DENND2B: variants seen among roughly 807,000 people sequenced by gnomAD.
The protein encoded by DENND2B is DENN domain-containing protein 2B.
A neutral mutation model predicts 116.0 loss-of-function variants in DENND2B; 32 were observed. The ratio of observed to expected loss-of-function variants is 0.28; its 90% CI spans 0.21 to 0.37. DENND2B has a LOEUF of 0.37. Ranked by LOEUF, DENND2B falls within the 10% of genes least tolerant of loss-of-function variation. DENND2B has a pLI of 1.00. For missense variants in DENND2B, 1,276 were observed against 1,477.7 expected (o/e 0.86, Z 2.24); for synonymous variants, 588 against 583.9 (o/e 1.01, Z -0.10).
At chr11:8,782,545 T>A (rs540458814) in intron 1 of DENND2B, among the ~76,000 whole-genome samples, 2 of 152,300 alleles carry the variant, frequency 1.3e-5, no homozygotes, top group South Asian at 4.1e-4. Context: ...GTACATAGAT[T>A]TTTATTATAT....
intron 2 of DENND2B, among the ~76,000 whole-genome samples, chr11:8,731,504 A>T (rs1448323711): frequency 6.6e-6 from 1 of 152,148 alleles, no homozygotes; most frequent in East Asian, 1.9e-4. Flanking sequence ...CAAGAGTCTA[A>T]CATCTGCCAG....
At chr11:8,753,557 C>G (rs1341113899) in intron 1 of DENND2B, among the ~76,000 whole-genome samples, 4 of 152,100 alleles carry the variant, frequency 2.6e-5, no homozygotes, top group African/African-American at 9.7e-5. Context: ...AATTGACAAG[C>G]TGATCCTAAA....
chr11:8,766,595 G>A (rs1483441559), intron 1 of DENND2B: 2 of 1,287,728 alleles, frequency 1.6e-6, no homozygotes, highest in East Asian at 5.5e-5. Flanking sequence ...TCCACTGAAA[G>A]GCCAACTCAG....
intron 4 of DENND2B, among the ~76,000 whole-genome samples, chr11:8,816,550 C>CAA (rs113682667): frequency 8.2e-6 from 1 of 121,674 alleles, no homozygotes. Flanking sequence ...AACTGTGTCT[C>CAA]AAAAAAAAAA....
At chr11:8,802,609 C>T (rs762842964) in intron 1 of DENND2B, among the ~76,000 whole-genome samples, 2 of 152,196 alleles carry the variant, frequency 1.3e-5, no homozygotes, top group Non-Finnish European at 2.9e-5. Context: ...GATGGCTCTT[C>T]CCCTAAGACA....
Position 8,877,072 on chromosome 11 carries a change from T to C in DENND2B, c.-156+3938A>G, listed in dbSNP as rs1008790049. ...CTCCTCTGTCTTGCTAAGTCATCCT[T>C]CTTCCTTCTCTCATGGGCTTGAAGA... On this transcript the variant is annotated intron_variant, in intron 2 of 22. Coordinates refer to the DENND2B transcript ENST00000534127. 8.7e-5 allele frequency among the ~76,000 whole-genome samples: 13 copies of C among 150,150 alleles called. 1 individual carries two copies. Among genetic ancestry groups the C allele is most frequent in the African/African-American group, 3.2e-4 (13 of 41,082 alleles).
At chr11:8,715,471 C>T (rs2044573105) in intron 6 of DENND2B, 132 bp downstream of exon 6, 1 of 888,732 alleles carries the variant, frequency 1.1e-6, no homozygotes. Context: ...TGCACGGACC[C>T]AGAATTTATT....
intron 1 of DENND2B, among the ~76,000 whole-genome samples, chr11:8,896,354 C>CA (rs1306618306): frequency 2.0e-5 from 3 of 151,890 alleles, no homozygotes; most frequent in African/African-American, 4.8e-5. Flanking sequence ...AATTATATCA[C>CA]AAAAAAGGTT....
chr11:8,704,094 G>C (rs1476828003), intron 13 of DENND2B, among the ~76,000 whole-genome samples: 1 of 152,202 alleles, frequency 6.6e-6, no homozygotes, highest in Non-Finnish European at 1.5e-5. Context: ...CACACAGGCT[G>C]CTCCCACTCC....
At chr11:8,767,304 G>A (rs769119985) in intron 1 of DENND2B, among the ~76,000 whole-genome samples, 9 of 152,168 alleles carry the variant, frequency 5.9e-5, no homozygotes, top group East Asian at 1.9e-4. Flanking sequence ...GCTGTGGAGC[G>A]GGGAGGGTGA....
At chr11:8,754,029 G>GCGCGCGCGCACACA (rs146486674) in intron 1 of DENND2B, among the ~76,000 whole-genome samples, 34 of 138,830 alleles carry the variant, frequency 2.4e-4, no homozygotes, top group African/African-American at 8.7e-4. Context: ...CCAAAAGCGC[G>GCGCGCGCGCACACA]CACACACACA....
intron 11 of DENND2B, among the ~76,000 whole-genome samples, chr11:8,709,078 G>T (rs573694506): frequency 7.2e-5 from 11 of 152,320 alleles, no homozygotes; most frequent in African/African-American, 2.6e-4. Flanking sequence ...GGCCTGGCAA[G>T]TCCGAGTGGG....
rs533906576 is a variant in DENND2B, at chr11:8,891,957, C to T, written c.-255-10848G>A. 4.6e-5 allele frequency among the ~76,000 whole-genome samples: 7 copies of T among 152,266 alleles called. No homozygotes were observed. In the South Asian group the frequency reaches 1.0e-3, roughly 23 times the overall value. On this transcript the variant is annotated intron_variant, in intron 1 of 22. Transcript: ENST00000534127. ...ATATACTTTCTTCTCAGCACCACAC[C>T]GCACTTATTCGAAAATTGACCACAT...
At chr11:8,855,955 T>C (rs2063179307) in intron 3 of DENND2B, among the ~76,000 whole-genome samples, 1 of 152,154 alleles carries the variant, frequency 6.6e-6, no homozygotes, top group African/African-American at 2.4e-5. Context: ...AGCTAGAGAA[T>C]TGGAGAACTC....
chr11:8,907,426 C>A (rs2064252634), intron 1 of DENND2B, among the ~76,000 whole-genome samples: 1 of 152,134 alleles, frequency 6.6e-6, no homozygotes, highest in South Asian at 2.1e-4. Context: ...AAAAAGGAAT[C>A]TCTCAAGTCT....
intron 1 of DENND2B, among the ~76,000 whole-genome samples, chr11:8,768,120 AT>A (rs1228250481): frequency 6.6e-6 from 1 of 152,080 alleles, no homozygotes; most frequent in African/African-American, 2.4e-5. Flanking sequence ...CTGGGCACTT[AT>A]CCAAGTACCC....
At chr11:8,881,996 T>C (rs2063908420) in intron 1 of DENND2B, among the ~76,000 whole-genome samples, 1 of 147,240 alleles carries the variant, frequency 6.8e-6, no homozygotes, top group Non-Finnish European at 1.5e-5. Context: ...TACTCTTTAA[T>C]TGGATTTTTT....
intron 1 of DENND2B, among the ~76,000 whole-genome samples, chr11:8,798,003 C>T (rs114842570): frequency 0.028 from 4,207 of 152,286 alleles, 182 homozygotes; most frequent in African/African-American, 0.094. Flanking sequence ...GGCTTCTTCT[C>T]ATCCTTGAGC....
At chr11:8,763,110 CCAAA>C (rs1315532246) in intron 1 of DENND2B, among the ~76,000 whole-genome samples, 4 of 151,962 alleles carry the variant, frequency 2.6e-5, no homozygotes, top group Non-Finnish European at 5.9e-5. Flanking sequence ...GAGAGGATAC[CCAAA>C]CAGTGAAGAG....
Sources: gnomAD v4.1 joint callset for allele counts (sites outside exome capture counted in the v4.1 genomes callset) on GRCh38, gnomAD v4.1.1 for gene constraint, MANE v1.5 for transcripts, NCBI Gene and HGNC (gene_info 2026-07-23, HGNC 2026-07-21) for gene names.